KITLG: variants seen among roughly 807,000 people sequenced by gnomAD.
The protein encoded by KITLG is c-Kit ligand.
A neutral mutation model predicts 34.1 loss-of-function variants in KITLG; 13 were observed. The observed-to-expected ratio is 0.38, with a 90% CI of 0.25 to 0.61. The LOEUF (loss-of-function observed/expected upper bound fraction) is 0.61, where lower values mean the gene tolerates loss of function less well. KITLG is among the 20% of genes least tolerant of loss of function. KITLG has a pLI of 0.60. For synonymous variants in KITLG, 110 were observed against 104.0 expected (o/e 1.06, Z -0.35); for missense variants, 292 against 318.9 (o/e 0.92, Z 0.64).
intron 2 of KITLG, among the ~76,000 whole-genome samples, chr12:88,533,610 T>C (rs576274875): frequency 1.3e-5 from 2 of 152,156 alleles, no homozygotes; most frequent in Admixed American, 1.3e-4. Context: ...TAAGATAACA[T>C]ATATTAAAAA....
intron 1 of KITLG, among the ~76,000 whole-genome samples, chr12:88,572,847 T>C (rs895025135): frequency 5.3e-5 from 8 of 152,088 alleles, no homozygotes; most frequent in Non-Finnish European, 8.8e-5. Flanking sequence ...ACTGTGATAA[T>C]GTATCTTTCA....
chr12:88,497,054 A>T lies in KITLG; in HGVS notation c.*165T>A, dbSNP rs1323066173. 1 of 359,060 alleles carries T rather than the reference A, an allele frequency of 2.8e-6. No individual in the cohort carries two copies. Among genetic ancestry groups the T allele is most frequent in the Non-Finnish European group, 5.6e-6 (1 of 179,642 alleles). 22.2% of individuals were successfully genotyped at this position (359,060 alleles called of 1,614,324 possible). The stretch of plus-strand genomic sequence containing the variant: ...TTTCACAGTAAAACATTCTGTTCCA[A>T]TTTCTGAATCATCCATATAAAGTCA... On this transcript the variant is annotated 3_prime_UTR_variant, in exon 10 of 10. Coordinates refer to ENST00000644744, the MANE Select transcript of KITLG (RefSeq NM_000899.5).
chr12:88,510,197 T>A (rs185318838), intron 6 of KITLG, among the ~76,000 whole-genome samples: 1 of 152,346 alleles, frequency 6.6e-6, no homozygotes, highest in Non-Finnish European at 1.5e-5. Flanking sequence ...AACTTCTTTT[T>A]AGAGTGAGCA....
chr12:88,550,734 T>C (rs1870883736), intron 1 of KITLG, among the ~76,000 whole-genome samples: 2 of 152,188 alleles, frequency 1.3e-5, no homozygotes, highest in South Asian at 2.1e-4. Context: ...TGCAAATCTG[T>C]TAGATGGTTT....
chr12:88,556,218 C>CAAAAA (rs5799868), intron 1 of KITLG, among the ~76,000 whole-genome samples: 1 of 125,034 alleles, frequency 8.0e-6, no homozygotes, highest in Non-Finnish European at 1.6e-5. Flanking sequence ...AAAGAATAAG[C>CAAAAA]AAAAAAAAAA....
In KITLG at chr12:88,495,802, C is replaced by A. The variant is rs1868617967; in HGVS notation, c.*1417G>T. The A allele has an allele frequency of 6.6e-6, 1 of 152,062 alleles. No homozygotes were observed. The highest frequency in any genetic ancestry group is 2.1e-4 in the South Asian group (1 of 4,826). 9.4% of individuals were successfully genotyped at this position (152,062 alleles called of 1,614,324 possible). A position where few individuals can be genotyped will look rare whatever the true frequency, so the allele number is the denominator to read the frequency against. ...AGTTAGAATGGAAAGCTTTGGATTC[C>A]TTTATGTGTACATTCAAGACATGTT... On this transcript the variant is annotated 3_prime_UTR_variant, in exon 10 of 10. Coordinates refer to ENST00000644744, the MANE Select transcript of KITLG (RefSeq NM_000899.5).
intron 7 of KITLG, among the ~76,000 whole-genome samples, chr12:88,506,585 A>G (rs1272735831): frequency 6.6e-6 from 1 of 152,196 alleles, no homozygotes; most frequent in Non-Finnish European, 1.5e-5. Context: ...TTGGGGGCTA[A>G]AGAGTAATAA....
At chr12:88,510,026 T>A (rs969307225) in intron 6 of KITLG, among the ~76,000 whole-genome samples, 2 of 152,134 alleles carry the variant, frequency 1.3e-5, no homozygotes, top group African/African-American at 4.8e-5. Flanking sequence ...CGGATTTGAG[T>A]AATCCCAAAT....
chr12:88,504,375 C>A (rs1213049171), intron 9 of KITLG, among the ~76,000 whole-genome samples: 1 of 152,074 alleles, frequency 6.6e-6, no homozygotes, highest in African/African-American at 2.4e-5. Context: ...TGACAAAGGA[C>A]TAATATCCAG....
chr12:88,552,300 A>C (rs1037453009), intron 1 of KITLG, among the ~76,000 whole-genome samples: 4 of 150,382 alleles, frequency 2.7e-5, no homozygotes, highest in African/African-American at 7.4e-5. Flanking sequence ...TCAGCCTCCC[A>C]AGTAGCTGGG....
At chr12:88,523,773 T>A (rs192463532) in intron 3 of KITLG, among the ~76,000 whole-genome samples, 2 of 152,132 alleles carry the variant, frequency 1.3e-5, no homozygotes, top group Admixed American at 1.3e-4. Flanking sequence ...AACTTCTCTT[T>A]GGATTAGCTG....
intron 9 of KITLG, among the ~76,000 whole-genome samples, chr12:88,504,306 G>A (rs189636203): frequency 6.6e-6 from 1 of 152,186 alleles, no homozygotes; most frequent in East Asian, 1.9e-4. Context: ...CATCTCATAT[G>A]CTGTATAGTT....
chr12:88,500,651 C>T (rs1302146827), intron 9 of KITLG, among the ~76,000 whole-genome samples: 2 of 152,132 alleles, frequency 1.3e-5, no homozygotes, highest in African/African-American at 2.4e-5. Flanking sequence ...TATCCACAAC[C>T]CAATATGAAA....
chr12:88,526,200 G>A (rs1033006413), intron 3 of KITLG, among the ~76,000 whole-genome samples: 1 of 152,132 alleles, frequency 6.6e-6, no homozygotes, highest in African/African-American at 2.4e-5. Flanking sequence ...ACAATAAGCA[G>A]GTTCTTGAAT....
intron 1 of KITLG, among the ~76,000 whole-genome samples, chr12:88,579,034 A>T (rs1871922861): frequency 6.6e-6 from 1 of 152,116 alleles, no homozygotes; most frequent in Non-Finnish European, 1.5e-5. Context: ...TGCTCTAGAG[A>T]CTATGCAAGC....
At chr12:88,579,750 G>A (rs1871950651) in intron 1 of KITLG, among the ~76,000 whole-genome samples, 1 of 151,900 alleles carries the variant, frequency 6.6e-6, no homozygotes, top group Admixed American at 6.6e-5. Flanking sequence ...CCGCTTAGGA[G>A]TTCCGCGTTG....
At chr12:88,519,804 T>C (rs1869592185) in intron 3 of KITLG, among the ~76,000 whole-genome samples, 1 of 152,066 alleles carries the variant, frequency 6.6e-6, no homozygotes, top group Admixed American at 6.6e-5. Context: ...TTAATTTTTT[T>C]ATATAAATGG....
At chr12:88,575,722 C>T (rs540201797) in intron 1 of KITLG, among the ~76,000 whole-genome samples, 2 of 152,218 alleles carry the variant, frequency 1.3e-5, no homozygotes, top group South Asian at 2.1e-4. Context: ...AGACCAAGAA[C>T]AGTTTCTTGC....
In KITLG at chr12:88,492,971, C is replaced by T. The variant is rs1868466898; in HGVS notation, c.*4248G>A. On this transcript the variant is annotated 3_prime_UTR_variant, in exon 10 of 10. Transcript: ENST00000644744. The stretch of plus-strand genomic sequence containing the variant: ...CTTTTTTATTTAATTAAATTTCAGT[C>T]ATAATAGAACTATTTAGAATAGTGT... 6.6e-6 allele frequency: 1 copy of T among 152,152 alleles called. No homozygotes were observed. Among genetic ancestry groups the T allele is most frequent in the African/African-American group, 2.4e-5 (1 of 41,320 alleles). The allele number at this position is 152,152 out of a possible 1,614,324, so 9.4% of individuals were successfully genotyped here. A position where few individuals can be genotyped will look rare whatever the true frequency, so the allele number is the denominator to read the frequency against.
Sources: gnomAD v4.1 joint callset for allele counts (sites outside exome capture counted in the v4.1 genomes callset) on GRCh38, gnomAD v4.1.1 for gene constraint, MANE v1.5 for transcripts, NCBI Gene and HGNC (gene_info 2026-07-23, HGNC 2026-07-21) for gene names.